The following PTPRD variants were observed in gnomAD, a reference collection of about 807,000 sequenced individuals.
PTPRD encodes the protein receptor-type tyrosine-protein phosphatase delta.
PTPRD carries 34 observed loss-of-function variants against 214.5 expected under a neutral mutation model. That is an observed-to-expected ratio of 0.16 (90% CI 0.12 to 0.21). The LOEUF (loss-of-function observed/expected upper bound fraction) is 0.21. PTPRD is among the 10% of genes least tolerant of loss of function. The pLI, the probability that PTPRD is intolerant of heterozygous loss-of-function variation, is 1.00. For missense variants in PTPRD, 2,545 were observed against 2,398.7 expected (o/e 1.06, Z -1.27); for synonymous variants, 1,128 against 845.7 (o/e 1.33, Z -5.79).
At chr9:9,589,189 T>G (rs754313057) in intron 7 of PTPRD, among the ~76,000 whole-genome samples, 1 of 151,908 alleles carries the variant, frequency 6.6e-6, no homozygotes, top group Non-Finnish European at 1.5e-5. Context: ...AGTAGTTTAT[T>G]TGGTGTGTAT....
intron 9 of PTPRD, among the ~76,000 whole-genome samples, chr9:9,361,523 T>C (rs767840013): frequency 2.1e-4 from 31 of 151,020 alleles, no homozygotes; most frequent in Non-Finnish European, 3.4e-4. Context: ...CTACTGTTGA[T>C]CTTTTTTTTT....
chr9:8,869,272 G>A (rs941011682), intron 11 of PTPRD, among the ~76,000 whole-genome samples: 1 of 152,102 alleles, frequency 6.6e-6, no homozygotes, highest in Non-Finnish European at 1.5e-5. Context: ...TATTCTTGGT[G>A]AACTCTAAGA....
intron 9 of PTPRD, among the ~76,000 whole-genome samples, chr9:9,369,325 A>C: frequency 1.3e-5 from 2 of 152,022 alleles, no homozygotes. Context: ...ATGGTATCTC[A>C]TTGCGGTTTT....
At chr9:10,194,341 TATATAGAGAGAG>T (rs1322954149) in intron 3 of PTPRD, among the ~76,000 whole-genome samples, 15 of 59,176 alleles carry the variant, frequency 2.5e-4, no homozygotes, top group South Asian at 6.3e-4. Context: ...TATATATATA[TATATAGAGAGAG>T]AGAGAGAGAG....
chr9:9,203,710 A>G (rs1010026586), intron 9 of PTPRD, among the ~76,000 whole-genome samples: 1 of 152,044 alleles, frequency 6.6e-6, no homozygotes, highest in Non-Finnish European at 1.5e-5. Context: ...GGCAATTTTG[A>G]TTTTCTTCTT....
At chr9:8,816,487 A>G (rs1429307886) in intron 11 of PTPRD, among the ~76,000 whole-genome samples, 1 of 152,182 alleles carries the variant, frequency 6.6e-6, no homozygotes, top group Non-Finnish European at 1.5e-5. Context: ...CAGTATCGTT[A>G]CAGGGCACAA....
intron 2 of PTPRD, among the ~76,000 whole-genome samples, chr9:10,521,219 C>T (rs1389298917): frequency 6.6e-6 from 1 of 152,004 alleles, no homozygotes; most frequent in Non-Finnish European, 1.5e-5. Flanking sequence ...GGTTCCAACT[C>T]TCACAGATGA....
At chr9:8,383,747 C>T (rs566685102) in intron 37 of PTPRD, among the ~76,000 whole-genome samples, 7 of 152,254 alleles carry the variant, frequency 4.6e-5, no homozygotes, top group South Asian at 4.2e-4. Context: ...ACATTTATAA[C>T]GCTAAGTACA....
intron 11 of PTPRD, among the ~76,000 whole-genome samples, chr9:8,755,811 G>A (rs2154471291): frequency 6.6e-6 from 1 of 152,156 alleles, no homozygotes; most frequent in East Asian, 1.9e-4. Context: ...AAATTGTCTT[G>A]GAAACATATA....
At chr9:8,868,067 G>C (rs569463226) in intron 11 of PTPRD, among the ~76,000 whole-genome samples, 2 of 152,114 alleles carry the variant, frequency 1.3e-5, no homozygotes, top group Non-Finnish European at 2.9e-5. Flanking sequence ...TTGCAAACCC[G>C]TAGAATGATG....
chr9:9,591,245 G>A (rs2092698132), intron 7 of PTPRD, among the ~76,000 whole-genome samples: 1 of 151,976 alleles, frequency 6.6e-6, no homozygotes, highest in Admixed American at 6.6e-5. Flanking sequence ...TTCCTGCGGT[G>A]GGAGGACATA....
chr9:10,268,616 C>G (rs2094236886), intron 3 of PTPRD, among the ~76,000 whole-genome samples: 1 of 152,086 alleles, frequency 6.6e-6, no homozygotes, highest in Non-Finnish European at 1.5e-5. Context: ...TTCTCCAGTT[C>G]AGGGCTTTTG....
chr9:9,723,578 C>T (rs969962489), intron 7 of PTPRD, among the ~76,000 whole-genome samples: 4 of 152,020 alleles, frequency 2.6e-5, no homozygotes, highest in African/African-American at 7.2e-5. Context: ...GCTGGGATTC[C>T]GATTGAGATT....
intron 11 of PTPRD, among the ~76,000 whole-genome samples, chr9:8,786,084 T>A (rs2095948564): frequency 6.6e-6 from 1 of 150,830 alleles, no homozygotes; most frequent in Admixed American, 6.6e-5. Context: ...TCATACACAT[T>A]GTTCACCGCT....
At chr9:9,845,018 GTA>G (rs562332447) in intron 5 of PTPRD, among the ~76,000 whole-genome samples, 2 of 143,746 alleles carry the variant, frequency 1.4e-5, no homozygotes, top group African/African-American at 5.1e-5. Context: ...AATACTGTAT[GTA>G]TATATATACT....
intron 7 of PTPRD, among the ~76,000 whole-genome samples, chr9:9,688,003 A>G (rs527478548): frequency 5.3e-5 from 8 of 151,882 alleles, no homozygotes; most frequent in East Asian, 1.9e-4. Flanking sequence ...ATGGGATCTG[A>G]TGATTTCAAA....
chr9:8,446,834 C>T (rs1296161446), intron 34 of PTPRD, among the ~76,000 whole-genome samples: 1 of 152,104 alleles, frequency 6.6e-6, no homozygotes, highest in Non-Finnish European at 1.5e-5. Flanking sequence ...CTTGATTCTT[C>T]GTGAAAAAGA....
chr9:9,374,655 AC>A (rs1192291273), intron 9 of PTPRD, among the ~76,000 whole-genome samples: 1 of 152,206 alleles, frequency 6.6e-6, no homozygotes, highest in East Asian at 1.9e-4. Context: ...AACCCTCAAT[AC>A]GTTGTAACAA....
chr9:9,847,647 C>G (rs1245496593), intron 5 of PTPRD, among the ~76,000 whole-genome samples: 1 of 152,082 alleles, frequency 6.6e-6, no homozygotes, highest in African/African-American at 2.4e-5. Flanking sequence ...TATTCCATTC[C>G]TTCTGTTTCT....
Sources: allele counts gnomAD v4.1 joint callset (sites outside exome capture counted in the v4.1 genomes callset), GRCh38; gene constraint gnomAD v4.1.1; transcripts MANE v1.5; gene names NCBI Gene and HGNC (gene_info 2026-07-23, HGNC 2026-07-21).